SAG: variants seen among roughly 807,000 people sequenced by gnomAD.
SAG encodes S-antigen visual arrestin, also known as S-arrestin.
In SAG, 45 loss-of-function variants were observed where a neutral mutation model predicts 55.0. The ratio of observed to expected loss-of-function variants is 0.82; its 90% confidence interval spans 0.64 to 1.05. The LOEUF (loss-of-function observed/expected upper bound fraction) is 1.05. Ranked by LOEUF, SAG falls within the 50% of genes least tolerant of loss-of-function variation. The probability of loss-of-function intolerance (pLI) is 0.00; values close to 1 mark genes in which losing one functional copy is unlikely to be tolerated. For synonymous variants in SAG, 189 were observed against 197.4 expected (o/e 0.96, Z 0.36); for missense variants, 455 against 512.1 (o/e 0.89, Z 1.08).
At chr2:233,314,250 C>T (rs1169266641) in intron 2 of SAG, among the ~76,000 whole-genome samples, 1 of 151,618 alleles carries the variant, frequency 6.6e-6, no homozygotes, top group Non-Finnish European at 1.5e-5. Context: ...CAAGAAAGAG[C>T]TCCATGCGCC....
At chr2:233,318,961 A>T in intron 4 of SAG, 166 bp downstream of exon 4, 1 of 738,710 alleles carries the variant, frequency 1.4e-6, no homozygotes, top group Non-Finnish European at 2.5e-6. Flanking sequence ...CCTGTACCTA[A>T]TTCACGTGAC....
intron 5 of SAG, among the ~76,000 whole-genome samples, chr2:233,322,031 A>T (rs2125329662): frequency 1.8e-5 from 2 of 112,762 alleles, no homozygotes; most frequent in South Asian, 6.2e-4. Flanking sequence ...ACACACACAC[A>T]CACACATTAG....
chr2:233,318,141 T>C (rs556644090), intron 3 of SAG, among the ~76,000 whole-genome samples: 3 of 151,922 alleles, frequency 2.0e-5, no homozygotes, highest in Non-Finnish European at 4.4e-5. Context: ...ACCTGGCCCA[T>C]GCCCTGCTAA....
chr2:233,346,935 A>G lies in SAG; in HGVS notation c.*23A>G, dbSNP rs1165038051. ...TGAAGATGTCGGCTCAGGATGCCGGAAAATGACCTGTAGTTACCAGTGCAA... is the reference window on the plus strand; with the variant it reads ...TGAAGATGTCGGCTCAGGATGCCGGGAAATGACCTGTAGTTACCAGTGCAA... On this transcript the variant is annotated 3_prime_UTR_variant, in exon 16 of 16. Coordinates refer to ENST00000409110, the MANE Select transcript of SAG (RefSeq NM_000541.5). 1 of 1,416,404 alleles carries G rather than the reference A, an allele frequency of 7.1e-7. No homozygotes were observed. The highest frequency in any genetic ancestry group is 2.3e-5 in the East Asian group (1 of 43,500). 87.7% of individuals were successfully genotyped at this position (1,416,404 alleles called of 1,614,324 possible). A position where few individuals can be genotyped will look rare whatever the true frequency, so the allele number is the denominator to read the frequency against.
chr2:233,335,672 C>T (rs3792093), intron 11 of SAG, among the ~76,000 whole-genome samples: 82,786 of 152,140 alleles, frequency 0.54, 22,841 homozygotes, highest in South Asian at 0.62. Flanking sequence ...TTAAATGAAA[C>T]TAAGTACTGA....
chr2:233,320,104 T>G, intron 4 of SAG: 3 of 561,552 alleles, frequency 5.3e-6, no homozygotes, highest in Non-Finnish European at 6.8e-6. Context: ...AAAAGGAGGC[T>G]GGAACTTGAG....
intron 11 of SAG, among the ~76,000 whole-genome samples, chr2:233,335,395 G>A (rs1050159637): frequency 1.3e-5 from 2 of 152,244 alleles, no homozygotes; most frequent in Non-Finnish European, 2.9e-5. Context: ...TGTTTGTAAA[G>A]TGGGGGCGGT....
chr2:233,328,883 A>G, intron 8 of SAG: 1 of 402,492 alleles, frequency 2.5e-6, no homozygotes, highest in Non-Finnish European at 4.4e-6. Flanking sequence ...TGCTTTTCAC[A>G]TACCTGCCCC....
At chr2:233,332,492 A>G (rs1267469370) in intron 10 of SAG, 2 of 152,210 alleles carry the variant, frequency 1.3e-5, no homozygotes, top group Non-Finnish European at 2.9e-5. Context: ...ATATAAGGTA[A>G]TAGATAGATT....
At chr2:233,337,853 A>G (rs1044475993) in intron 11 of SAG, among the ~76,000 whole-genome samples, 1 of 152,040 alleles carries the variant, frequency 6.6e-6, no homozygotes, top group Non-Finnish European at 1.5e-5. Context: ...TGGAGTACTC[A>G]TGTCCTCCGC....
At chr2:233,335,145 G>A in intron 11 of SAG, 46 bp downstream of exon 11, 1 of 1,581,674 alleles carries the variant, frequency 6.3e-7, no homozygotes, top group Non-Finnish European at 8.6e-7. Flanking sequence ...GGGCGGGCTG[G>A]TGCTGGTCTG....
chr2:233,335,985 G>A (rs1335604106), intron 11 of SAG, among the ~76,000 whole-genome samples: 2 of 152,224 alleles, frequency 1.3e-5, no homozygotes, highest in Non-Finnish European at 2.9e-5. Flanking sequence ...GAGACCAAGA[G>A]TGGGGAACAG....
At chr2:233,343,081 G>GTTTTTTTTTTTTT (rs34180640) in intron 14 of SAG, 1 of 104,342 alleles carries the variant, frequency 9.6e-6, no homozygotes, top group Non-Finnish European at 1.8e-5. Flanking sequence ...TTTTTTTGGG[G>GTTTTTTTTTTTTT]TTTTTTTTTT....
chr2:233,328,717 C>A, intron 8 of SAG, 104 bp downstream of exon 8: 3 of 1,273,468 alleles, frequency 2.4e-6, no homozygotes, highest in East Asian at 2.4e-5. Context: ...GGGTGCCTTG[C>A]AAGGAAGCTT....
rs201204943 is a variant in SAG at position 233,320,777 on chromosome 2, G to A, written c.329G>A (p.Ser110Asn). Residue 110 changes from serine (S) to asparagine (N), a missense_variant, in exon 5 of 16, where the codon AGC becomes AAC. Transcript: ENST00000409110. ...AGCACCCCCACAAAACTGCAAGAGA[G>A]CCTGCTTAAAAAGCTGGGGAGCAAC... ...AASTPTKLQESLLKKLGSNTY... is the reference protein window; with the variant it reads ...AASTPTKLQENLLKKLGSNTY... 19 of 1,605,998 alleles carry A rather than the reference G, an allele frequency of 1.2e-5. No individual in the cohort carries two copies. Among genetic ancestry groups the A allele is most frequent in the Non-Finnish European group, 1.6e-5 (19 of 1,176,412 alleles).
chr2:233,342,559 T>G, intron 14 of SAG: 1 of 559,276 alleles, frequency 1.8e-6, no homozygotes, highest in East Asian at 3.0e-5. Context: ...GTAGCATCCT[T>G]GCTCTTGGAC....
chr2:233,324,529 C>T (rs933324601), intron 6 of SAG, among the ~76,000 whole-genome samples: 2 of 152,200 alleles, frequency 1.3e-5, no homozygotes, highest in Middle Eastern at 3.2e-3. Flanking sequence ...GAGCCATTGG[C>T]AGGCTGTGAA....
rs1172476846 is a variant in SAG at position 233,340,817 on chromosome 2, T to G, written c.1046+339T>G. 6.6e-6 allele frequency among the ~76,000 whole-genome samples: 1 copy of G among 152,138 alleles called. No individual in the cohort carries two copies. The highest frequency in any genetic ancestry group is 1.5e-5 in the Non-Finnish European group (1 of 68,004). On this transcript the variant is annotated intron_variant, in intron 13 of 15. Coordinates refer to ENST00000409110, the MANE Select transcript of SAG (RefSeq NM_000541.5). The surrounding 1 kb of genome is among the most constrained non-coding windows in gnomAD (Gnocchi z 4.2). ...TAACATAAATTTTACCATTATATTA[T>G]TTATTTTATTTTTTGAGATGTAGTC...
chr2:233,332,046 T>C (rs905650625), intron 10 of SAG: 3 of 325,310 alleles, frequency 9.2e-6, no homozygotes, highest in Non-Finnish European at 1.7e-5. Context: ...TGGTACTATT[T>C]CCACCTCCCA....
Sources: gnomAD v4.1 joint callset for allele counts (sites outside exome capture counted in the v4.1 genomes callset) on GRCh38, gnomAD v4.1.1 for gene constraint, Gnocchi (gnomAD v3.1) non-coding constraint, MANE v1.5 for transcripts, NCBI Gene and HGNC (gene_info 2026-07-23, HGNC 2026-07-21) for gene names.